Variants in DYM observed in about 807,000 individuals in gnomAD.
DYM encodes the protein dymeclin.
Under a neutral mutation model 93.1 loss-of-function variants are expected in DYM, and 78 were observed. The observed-to-expected ratio is 0.84, with a 90% CI of 0.70 to 1.01. The LOEUF is 1.01. Among genes scored for constraint, DYM ranks in the 50% least tolerant of loss-of-function variants. The probability of loss-of-function intolerance (pLI) is 0.00; values close to 1 mark genes in which losing one functional copy is unlikely to be tolerated. For synonymous variants in DYM, 321 were observed against 319.7 expected (o/e 1.00, Z -0.04); for missense variants, 789 against 845.0 (o/e 0.93, Z 0.82).
At chr18:49,059,407 A>G (rs933972920) in intron 17 of DYM, among the ~76,000 whole-genome samples, 5 of 152,194 alleles carry the variant, frequency 3.3e-5, no homozygotes, top group Non-Finnish European at 5.9e-5. Flanking sequence ...TCACCCATGC[A>G]TCCTTCTTTC....
chr18:49,055,994 C>T (rs2075439183), intron 17 of DYM, among the ~76,000 whole-genome samples: 1 of 152,124 alleles, frequency 6.6e-6, no homozygotes, highest in South Asian at 2.1e-4. Context: ...GTGACACTGC[C>T]ACGGCAGCTG....
chr18:49,351,043 G>C (rs181938408), intron 6 of DYM, among the ~76,000 whole-genome samples: 31 of 151,698 alleles, frequency 2.0e-4, no homozygotes, highest in Admixed American at 1.7e-3. Flanking sequence ...ATGAGTTTTA[G>C]AGAGACTTAA....
At chr18:49,295,913 CTTATTTAT>C (rs113289427) in intron 8 of DYM, among the ~76,000 whole-genome samples, 1 of 151,336 alleles carries the variant, frequency 6.6e-6, no homozygotes, top group African/African-American at 2.4e-5. Flanking sequence ...CAAAACCGTT[CTTATTTAT>C]TTATTTATTT....
At position 49,155,597 on chromosome 18, in the gene DYM, G is replaced by A. The variant is rs1450692817; in HGVS notation, c.1728+8088C>T. Among the ~76,000 whole-genome samples, 3 of 152,268 alleles carry A rather than the reference G, an allele frequency of 2.0e-5. No individual in the cohort carries two copies. In the East Asian group the frequency reaches 5.8e-4, roughly 29 times the overall value. ...TCTACTATCTACCTCTATAAGATTT[G>A]CCTATTCTGGACATTCCATATACAT... is the stretch of plus-strand genomic sequence containing the variant. On this transcript the variant is annotated intron_variant, in intron 15 of 17. Coordinates refer to ENST00000675505, the MANE Select transcript of DYM (RefSeq NM_001353214.3).
At chr18:49,433,981 G>A (rs529152131) in intron 1 of DYM, among the ~76,000 whole-genome samples, 8 of 152,264 alleles carry the variant, frequency 5.3e-5, no homozygotes, top group African/African-American at 1.4e-4. Context: ...AGGCCAAGGC[G>A]GATGGGTCAC....
intron 13 of DYM, among the ~76,000 whole-genome samples, chr18:49,214,351 C>T (rs753567420): frequency 2.6e-5 from 4 of 152,100 alleles, no homozygotes; most frequent in South Asian, 2.1e-4. Flanking sequence ...ACTGCACATG[C>T]GAGGAATTGA....
intron 2 of DYM, among the ~76,000 whole-genome samples, chr18:49,419,967 A>G (rs1392133499): frequency 6.6e-6 from 1 of 152,194 alleles, no homozygotes; most frequent in Non-Finnish European, 1.5e-5. Context: ...AGCAGTACTC[A>G]GTGATAATTC....
intron 5 of DYM, among the ~76,000 whole-genome samples, chr18:49,367,282 T>C (rs1392402994): frequency 6.6e-6 from 1 of 152,330 alleles, no homozygotes; most frequent in African/African-American, 2.4e-5. Flanking sequence ...CCCAGCCCTA[T>C]CCCTGGAGTT....
At chr18:49,381,139 G>C (rs1161739967) in intron 3 of DYM, among the ~76,000 whole-genome samples, 1 of 152,084 alleles carries the variant, frequency 6.6e-6, no homozygotes, top group East Asian at 1.9e-4. Context: ...TAGTGCTACA[G>C]GCATGCACCA....
intron 17 of DYM, among the ~76,000 whole-genome samples, chr18:49,053,151 C>T (rs1439083335): frequency 1.3e-5 from 2 of 152,170 alleles, no homozygotes; most frequent in Non-Finnish European, 2.9e-5. Flanking sequence ...CAACCTACCA[C>T]AGTGGGACAT....
chr18:49,040,218 G>T lies in DYM; in HGVS notation c.*3837C>A, dbSNP rs2143977007. On this transcript the variant is annotated 3_prime_UTR_variant, in exon 18 of 18. Coordinates refer to ENST00000675505, the MANE Select transcript of DYM (RefSeq NM_001353214.3). The stretch of plus-strand genomic sequence containing the variant: ...GCTTGAAGGACCCCAGAGTCAACAA[G>T]ATAGTTAAGTATTACTTGTCCAGTT... 2 of 152,326 alleles carry T rather than the reference G, an allele frequency of 1.3e-5. No homozygotes were observed. The highest frequency in any genetic ancestry group is 4.1e-4 in the South Asian group (2 of 4,830). 9.4% of individuals were successfully genotyped at this position (152,326 alleles called of 1,614,324 possible).
At chr18:49,188,326 T>C (rs7235532) in intron 14 of DYM, among the ~76,000 whole-genome samples, 44,524 of 152,020 alleles carry the variant, frequency 0.29, 6,974 homozygotes, top group East Asian at 0.68. Flanking sequence ...GTCCATTTTG[T>C]TTTATGAGGC....
intron 14 of DYM, among the ~76,000 whole-genome samples, chr18:49,178,246 T>C (rs2089586268): frequency 2.0e-5 from 3 of 151,970 alleles, no homozygotes; most frequent in East Asian, 1.9e-4. Flanking sequence ...AAAACCAGAA[T>C]GGGAATATGT....
chr18:49,043,939 T>A lies in DYM; in HGVS notation c.*116A>T. 3 of 1,260,596 alleles carry A rather than the reference T, an allele frequency of 2.4e-6. No individual in the cohort carries two copies. The highest frequency in any genetic ancestry group is 3.4e-6 in the Non-Finnish European group (3 of 890,692). The allele number at this position is 1,260,596 out of a possible 1,614,324, so 78.1% of individuals were successfully genotyped here. A position where few individuals can be genotyped will look rare whatever the true frequency, so the allele number is the denominator to read the frequency against. ...GTGTGAGGAAAACACACTCGTGCAA[T>A]CCTCTTTAACAGAAGATACACCAAG... On this transcript the variant is annotated 3_prime_UTR_variant, in exon 18 of 18. Transcript: ENST00000675505.
At chr18:49,066,799 C>A (rs769951170) in intron 17 of DYM, among the ~76,000 whole-genome samples, 1 of 152,020 alleles carries the variant, frequency 6.6e-6, no homozygotes, top group Non-Finnish European at 1.5e-5. Flanking sequence ...TCAAACCTTC[C>A]CTGGATATTG....
chr18:49,203,226 T>TGG (rs1230181983), intron 14 of DYM, among the ~76,000 whole-genome samples: 1 of 37,698 alleles, frequency 2.7e-5, no homozygotes, highest in South Asian at 1.0e-3. Context: ...GGGAGGGAGG[T>TGG]GGGGGGGGTC....
At chr18:49,075,770 G>A (rs1259621099) in intron 17 of DYM, among the ~76,000 whole-genome samples, 1 of 152,206 alleles carries the variant, frequency 6.6e-6, no homozygotes, top group East Asian at 1.9e-4. Context: ...TGGGGAAAAA[G>A]AAGGGATCAA....
intron 11 of DYM, among the ~76,000 whole-genome samples, chr18:49,270,393 A>G (rs2094662639): frequency 6.6e-6 from 1 of 152,210 alleles, no homozygotes; most frequent in Admixed American, 6.5e-5. Context: ...AAAGTCAAAT[A>G]CACAGATAGA....
intron 15 of DYM, among the ~76,000 whole-genome samples, chr18:49,130,443 A>G (rs899175322): frequency 2.0e-5 from 3 of 152,258 alleles, no homozygotes; most frequent in South Asian, 2.1e-4. Flanking sequence ...TCCGGCATTC[A>G]GTAGAAAATG....
Sources: allele counts gnomAD v4.1 joint callset (sites outside exome capture counted in the v4.1 genomes callset), GRCh38; gene constraint gnomAD v4.1.1; transcripts MANE v1.5; gene names NCBI Gene and HGNC (gene_info 2026-07-23, HGNC 2026-07-21).